The following BEND7 variants were observed in gnomAD, a reference collection of about 807,000 sequenced individuals.
BEND7 encodes the protein BEN domain containing 7.
Under a neutral mutation model 50.9 loss-of-function variants are expected in BEND7, and 28 were observed. The ratio of observed to expected loss-of-function variants is 0.55; its 90% CI spans 0.41 to 0.75. The LOEUF is 0.75. Among genes scored for constraint, BEND7 ranks in the 30% least tolerant of loss-of-function variants. The probability of loss-of-function intolerance (pLI) is 0.00; values close to 1 mark genes in which losing one functional copy is unlikely to be tolerated. For missense variants in BEND7, 477 were observed against 491.3 expected (o/e 0.97, Z 0.28); for synonymous variants, 170 against 183.9 (o/e 0.92, Z 0.61).
intron 7 of BEND7, among the ~76,000 whole-genome samples, chr10:13,448,524 G>T (rs1175135261): frequency 6.6e-6 from 1 of 152,190 alleles, no homozygotes; most frequent in Non-Finnish European, 1.5e-5. Context: ...TCAGGGCTTA[G>T]CTACGGCTAG....
chr10:13,441,297 ATTTT>A lies in BEND7; in HGVS notation c.*442_*445del. On this transcript the variant is annotated 3_prime_UTR_variant, in exon 9 of 9. Coordinates refer to ENST00000466271, the MANE Select transcript of BEND7 (RefSeq NM_001369863.1). ...ATTGAGACATTATCCATAGATATGG[ATTTT>A]TTTTTTGCTAAGAAAGCCTATAAAA... 1.1e-6 allele frequency: 1 copy of A among 903,338 alleles called. No homozygotes were observed. The highest frequency in any genetic ancestry group is 1.3e-6 in the Non-Finnish European group (1 of 754,624). The allele number at this position is 903,338 out of a possible 1,614,324, so 56.0% of individuals were successfully genotyped here. A position where few individuals can be genotyped will look rare whatever the true frequency, so the allele number is the denominator to read the frequency against.
At chr10:13,452,734 A>G in intron 6 of BEND7, 76 bp from the exon 7 acceptor site, 2 of 1,337,794 alleles carry the variant, frequency 1.5e-6, no homozygotes, top group Non-Finnish European at 2.0e-6. Context: ...ATATATTCTA[A>G]AAAGAAAAAA....
intron 6 of BEND7, among the ~76,000 whole-genome samples, chr10:13,477,869 A>G (rs2075571700): frequency 1.3e-5 from 2 of 152,202 alleles, no homozygotes; most frequent in African/African-American, 4.8e-5. Flanking sequence ...GCATTTATGG[A>G]AATACTGGTC....
chr10:13,453,327 ACCTCACACACACT>A (rs1416399873), intron 6 of BEND7, among the ~76,000 whole-genome samples: 1 of 151,972 alleles, frequency 6.6e-6, no homozygotes, highest in Admixed American at 6.6e-5. Flanking sequence ...TGACATTTCC[ACCTCACACACACT>A]CCTGAGCACT....
At chr10:13,472,493 G>A (rs2074967930) in intron 6 of BEND7, among the ~76,000 whole-genome samples, 1 of 151,786 alleles carries the variant, frequency 6.6e-6, no homozygotes, top group Non-Finnish European at 1.5e-5. Context: ...TAGACTCGGG[G>A]CTGATATCGT....
intron 2 of BEND7, among the ~76,000 whole-genome samples, chr10:13,506,959 TTCG>T: frequency 6.6e-6 from 1 of 152,012 alleles, no homozygotes; most frequent in Admixed American, 6.6e-5. Context: ...GGAGTCTAGT[TTCG>T]ATGAAGAAAA....
chr10:13,503,524 C>T (rs1351727990), intron 2 of BEND7, among the ~76,000 whole-genome samples: 1 of 152,168 alleles, frequency 6.6e-6, no homozygotes, highest in Non-Finnish European at 1.5e-5. Flanking sequence ...ACCAGCCTGG[C>T]CAACATGGTG....
intron 2 of BEND7, among the ~76,000 whole-genome samples, chr10:13,505,200 T>A (rs2077782059): frequency 6.6e-6 from 1 of 152,210 alleles, no homozygotes; most frequent in Non-Finnish European, 1.5e-5. Flanking sequence ...GCACTCCCGG[T>A]TCCTCAGTGT....
At chr10:13,500,704 C>A in intron 2 of BEND7, 1 of 985,612 alleles carries the variant, frequency 1.0e-6, no homozygotes, top group Non-Finnish European at 1.2e-6. Context: ...GCCGAGGAGA[C>A]AGAGAGGCGC....
At chr10:13,528,015 C>T (rs977856104) in intron 1 of BEND7, among the ~76,000 whole-genome samples, 1 of 152,194 alleles carries the variant, frequency 6.6e-6, no homozygotes, top group Admixed American at 6.5e-5. Flanking sequence ...TTGGACACGG[C>T]GTGAGCTTCT....
intron 6 of BEND7, chr10:13,480,548 A>G (rs953299192): frequency 3.9e-6 from 3 of 761,556 alleles, no homozygotes; most frequent in Admixed American, 6.3e-5. Context: ...TCATAGCTTT[A>G]TTCTCATAAC....
intron 2 of BEND7, 58 bp from the exon 3 acceptor site, chr10:13,500,138 C>T: frequency 7.5e-7 from 1 of 1,338,576 alleles, no homozygotes; most frequent in Admixed American, 2.3e-5. Flanking sequence ...AAACAGTTCA[C>T]TAACCAAAAA....
At chr10:13,520,016 A>T (rs1023891074) in intron 2 of BEND7, among the ~76,000 whole-genome samples, 1 of 152,182 alleles carries the variant, frequency 6.6e-6, no homozygotes, top group African/African-American at 2.4e-5. Context: ...TTAGAAACAG[A>T]CAGCGAACTG....
chr10:13,475,168 T>G (rs1222745256), intron 6 of BEND7, among the ~76,000 whole-genome samples: 3 of 152,110 alleles, frequency 2.0e-5, no homozygotes, highest in Admixed American at 2.0e-4. Context: ...TAATACAAAC[T>G]ACAACAACAA....
intron 5 of BEND7, among the ~76,000 whole-genome samples, chr10:13,483,173 A>G (rs1428678670): frequency 2.6e-5 from 4 of 152,162 alleles, no homozygotes; most frequent in Non-Finnish European, 5.9e-5. Flanking sequence ...AGTTACTTAT[A>G]TAATCTCAGT....
intron 2 of BEND7, chr10:13,500,799 G>A: frequency 1.0e-6 from 1 of 985,410 alleles, no homozygotes; most frequent in Non-Finnish European, 1.2e-6. Context: ...TGACCGAGGG[G>A]TCCCTGCCAC....
intron 2 of BEND7, among the ~76,000 whole-genome samples, chr10:13,511,945 A>C (rs530642498): frequency 1.3e-5 from 2 of 152,192 alleles, no homozygotes; most frequent in Admixed American, 6.5e-5. Context: ...TCATGAGACT[A>C]TCAAGCCGGT....
chr10:13,527,858 G>A (rs2079530309), intron 1 of BEND7: 1 of 983,532 alleles, frequency 1.0e-6, no homozygotes, highest in South Asian at 4.7e-5. Flanking sequence ...TAATTCGTCA[G>A]AAACTAGATG....
intron 5 of BEND7, among the ~76,000 whole-genome samples, chr10:13,484,833 G>T (rs2076106805): frequency 6.6e-6 from 1 of 152,090 alleles, no homozygotes; most frequent in Non-Finnish European, 1.5e-5. Context: ...GCCTATTTTA[G>T]GCATCTTGGC....
Sources: allele counts gnomAD v4.1 joint callset (sites outside exome capture counted in the v4.1 genomes callset), GRCh38; gene constraint gnomAD v4.1.1; transcripts MANE v1.5; gene names NCBI Gene and HGNC (gene_info 2026-07-23, HGNC 2026-07-21).